Variants in VCL observed in about 807,000 individuals in gnomAD.
The protein encoded by VCL is epididymis luminal protein 114.
In VCL, 47 loss-of-function variants were observed where a neutral mutation model predicts 125.7. The ratio of observed to expected loss-of-function variants is 0.37; its 90% CI spans 0.30 to 0.48. The LOEUF (loss-of-function observed/expected upper bound fraction) is 0.48, where lower values mean the gene tolerates loss of function less well. VCL is among the 20% of genes least tolerant of loss of function. The pLI, the probability that VCL is intolerant of heterozygous loss-of-function variation, is 0.99. For missense variants in VCL, 1,069 were observed against 1,455.5 expected, an observed-to-expected ratio of 0.73 and a Z score of 4.32; for synonymous variants, 458 against 514.6, an observed-to-expected ratio of 0.89 and a Z score of 1.49.
At chr10:74,102,616 T>C (rs1840077766) in intron 14 of VCL, among the ~76,000 whole-genome samples, 1 of 152,252 alleles carries the variant, frequency 6.6e-6, no homozygotes, top group Admixed American at 6.5e-5. Context: ...ATTAAACTTT[T>C]GCCTGTGTGG....
At chr10:74,045,483 C>T (rs1429025367) in intron 2 of VCL, among the ~76,000 whole-genome samples, 9 of 151,656 alleles carry the variant, frequency 5.9e-5, no homozygotes, top group African/African-American at 1.5e-4. Context: ...ATTAGCCAGG[C>T]GTGGTGGCTC....
At chr10:73,998,616 C>A (rs185314301) in intron 1 of VCL, among the ~76,000 whole-genome samples, 6 of 152,364 alleles carry the variant, frequency 3.9e-5, no homozygotes, top group African/African-American at 1.4e-4. Flanking sequence ...GGCTGCCTTG[C>A]GGGCTTGTCG....
intron 6 of VCL, among the ~76,000 whole-genome samples, chr10:74,080,502 A>G (rs1839659422): frequency 6.6e-6 from 1 of 152,218 alleles, no homozygotes. Flanking sequence ...CAGGGAATGC[A>G]TATTAAATTC....
At chr10:74,079,810 A>T (rs1259656683) in intron 6 of VCL, among the ~76,000 whole-genome samples, 1 of 152,242 alleles carries the variant, frequency 6.6e-6, no homozygotes, top group Non-Finnish European at 1.5e-5. Context: ...AGAATTTAAG[A>T]TGGCTCTTTC....
At chr10:74,113,774 C>T (rs1018807031) in intron 19 of VCL, among the ~76,000 whole-genome samples, 1 of 152,148 alleles carries the variant, frequency 6.6e-6, no homozygotes, top group African/African-American at 2.4e-5. Context: ...ATGAAAGTGC[C>T]TGTTTAACCA....
intron 2 of VCL, among the ~76,000 whole-genome samples, chr10:74,054,182 A>G (rs1012159932): frequency 6.6e-6 from 1 of 152,152 alleles, no homozygotes; most frequent in Non-Finnish European, 1.5e-5. Flanking sequence ...CCAATTTTTT[A>G]TAGCCTAATT....
chr10:74,045,456 G>T (rs1841181642), intron 2 of VCL, among the ~76,000 whole-genome samples: 1 of 151,602 alleles, frequency 6.6e-6, no homozygotes, highest in Non-Finnish European at 1.5e-5. Flanking sequence ...AACCCTATCT[G>T]TACTAACAAT....
intron 21 of VCL, 117 bp from the exon 22 acceptor site, chr10:74,117,906 A>G: frequency 7.0e-7 from 1 of 1,434,124 alleles, no homozygotes. Flanking sequence ...GCAAGCAAAT[A>G]TGGGGGATGC....
intron 1 of VCL, among the ~76,000 whole-genome samples, chr10:74,019,877 A>C (rs1338091326): frequency 6.6e-6 from 1 of 152,140 alleles, no homozygotes; most frequent in Non-Finnish European, 1.5e-5. Context: ...AGCCTGGCCA[A>C]AATGGTGAAA....
In VCL at chr10:74,101,670, C is replaced by T. The variant is rs555980587; in HGVS notation, c.2022+573C>T. 2.7e-5 allele frequency among the ~76,000 whole-genome samples: 4 copies of T among 150,890 alleles called. No homozygotes were observed. The East Asian group carries it at 7.8e-4, about 29-fold the overall frequency. ...TCCCGGGTTCACGCCATTCTCCTGC[C>T]TCAGCCTCCCGAGTAGCTGGGACTA... On this transcript the variant is annotated intron_variant, in intron 14 of 21. Coordinates refer to ENST00000211998, the MANE Select transcript of VCL (RefSeq NM_014000.3).
At chr10:74,061,420 A>G (rs947766966) in intron 2 of VCL, among the ~76,000 whole-genome samples, 1 of 152,116 alleles carries the variant, frequency 6.6e-6, no homozygotes, top group African/African-American at 2.4e-5. Flanking sequence ...AACCTTTTCA[A>G]TTTCATCTTT....
At chr10:74,055,164 G>A (rs1841370471) in intron 2 of VCL, among the ~76,000 whole-genome samples, 2 of 151,864 alleles carry the variant, frequency 1.3e-5, no homozygotes, top group Admixed American at 6.6e-5. Context: ...GCTGGGCATG[G>A]TGAGGAGTGC....
intron 1 of VCL, among the ~76,000 whole-genome samples, chr10:74,016,344 C>T (rs1396982291): frequency 6.6e-6 from 1 of 152,154 alleles, no homozygotes; most frequent in Non-Finnish European, 1.5e-5. Context: ...GGTAAGGTGG[C>T]TCATGCCTGT....
rs771375471 is a variant in VCL at position 74,114,178 on chromosome 10, C to A, written c.2950-6C>A. The A allele has an allele frequency of 1.9e-6, 3 of 1,612,824 alleles. No individual in the cohort carries two copies. Among genetic ancestry groups the A allele is most frequent in the Non-Finnish European group, 2.5e-6 (3 of 1,180,002 alleles). On this transcript the variant is annotated splice_region_variant and splice_polypyrimidine_tract_variant and intron_variant, in intron 19 of 21. Transcript: ENST00000211998. ...GAGCTCACACTGTATCTTTGCTTCC[C>A]TCTAGGGCAATGACATCATTGCAGC...
intron 2 of VCL, among the ~76,000 whole-genome samples, chr10:74,047,863 C>G (rs1841218685): frequency 6.6e-6 from 1 of 152,170 alleles, no homozygotes; most frequent in South Asian, 2.1e-4. Context: ...CGATGAGGAA[C>G]TTCCAGTGCT....
At position 74,074,356 on chromosome 10, in the gene VCL, C is replaced by T. The variant is rs116189769; in HGVS notation, c.623-387C>T. Among the ~76,000 whole-genome samples, 951 of 152,188 alleles carry T rather than the reference C, an allele frequency of 6.2e-3. 10 individuals are homozygous for T. The highest frequency in any genetic ancestry group is 0.021 in the African/African-American group (873 of 41,510). ...TGCTGGGATCAGGGGCAGCAGGATA[C>T]GCCATTCAGAGTATTACTGACAGTT... On this transcript the variant is annotated intron_variant, in intron 5 of 21. Coordinates refer to ENST00000211998, the MANE Select transcript of VCL (RefSeq NM_014000.3).
At position 74,114,405 on chromosome 10, in the gene VCL, CTGCGTGTG is replaced by C. The variant is rs1840277703; in HGVS notation, c.3153+21_3153+28del. 1.3e-6 allele frequency: 2 copies of C among 1,573,308 alleles called. No individual in the cohort carries two copies. The highest frequency in any genetic ancestry group is 1.7e-5 in the African/African-American group (1 of 58,414). On this transcript the variant is annotated intron_variant, in intron 20 of 21. Transcript: ENST00000211998. Reference sequence around the variant, plus strand: ...TCTTACAGGTACTCGGGGAAAGAGGCTGCGTGTGTGTGTGTGTGTGTGTGTGTGTGTGC... The same window carrying C: ...TCTTACAGGTACTCGGGGAAAGAGGCTGTGTGTGTGTGTGTGTGTGTGTGC...
intron 1 of VCL, among the ~76,000 whole-genome samples, chr10:74,001,955 C>T (rs1023266842): frequency 1.3e-5 from 2 of 152,076 alleles, no homozygotes; most frequent in Non-Finnish European, 2.9e-5. Flanking sequence ...ATTTACTGTT[C>T]TTGAGCCTAA....
rs71535722 is a variant in VCL at position 74,117,871 on chromosome 10, G to T, written c.3259-152G>T. Reference sequence around the variant, plus strand: ...GATGGCCAGTTTTGGGTTCTTTTTGGTGATCTGGGAAAACCCCTAGTGATG... The same window carrying T: ...GATGGCCAGTTTTGGGTTCTTTTTGTTGATCTGGGAAAACCCCTAGTGATG... On this transcript the variant is annotated intron_variant, in intron 21 of 21. Transcript: ENST00000211998. The T allele has an allele frequency of 6.3e-6, 7 of 1,117,334 alleles. No individual in the cohort carries two copies. The African/African-American group carries it at 9.2e-5, about 15-fold the overall frequency. 69.2% of individuals were successfully genotyped at this position (1,117,334 alleles called of 1,614,324 possible).
Sources: gnomAD v4.1 joint callset for allele counts (sites outside exome capture counted in the v4.1 genomes callset) on GRCh38, gnomAD v4.1.1 for gene constraint, MANE v1.5 for transcripts, NCBI Gene and HGNC (gene_info 2026-07-23, HGNC 2026-07-21) for gene names.